Variants in PDS5A observed in about 807,000 individuals in gnomAD.
PDS5A encodes sister chromatid cohesion protein PDS5 homolog A.
PDS5A carries 42 observed loss-of-function variants against 167.1 expected under a neutral mutation model. That is an observed-to-expected ratio of 0.25 (90% CI 0.20 to 0.33). The LOEUF is 0.33. Among genes scored for constraint, PDS5A ranks in the 10% least tolerant of loss-of-function variants. PDS5A has a pLI of 1.00. For missense variants in PDS5A, 1,033 were observed against 1,605.9 expected (o/e 0.64, Z 6.10); for synonymous variants, 553 against 554.6 (o/e 1.00, Z 0.04).
Position 39,898,320 on chromosome 4 carries a change from C to T in PDS5A, c.1770+69G>A. 1.4e-6 allele frequency: 2 copies of T among 1,447,300 alleles called. 1 individual carries two copies. 89.7% of individuals were successfully genotyped at this position (1,447,300 alleles called of 1,614,324 possible). ...TTTACACAAATCACTGTATGTAAAACAGGCTTTAATAAAATACATATTTCT... is the reference window on the plus strand; with the variant it reads ...TTTACACAAATCACTGTATGTAAAATAGGCTTTAATAAAATACATATTTCT... On this transcript the variant is annotated intron_variant, in intron 16 of 32. Coordinates refer to ENST00000303538, the MANE Select transcript of PDS5A (RefSeq NM_001100399.2).
intron 9 of PDS5A, among the ~76,000 whole-genome samples, chr4:39,910,985 T>C (rs1341473437): frequency 6.6e-6 from 1 of 151,926 alleles, no homozygotes; most frequent in Non-Finnish European, 1.5e-5. Flanking sequence ...AACACAAAAA[T>C]CAGCCGGGCG....
chr4:39,965,624 C>T (rs954521151), intron 2 of PDS5A, among the ~76,000 whole-genome samples: 11 of 152,212 alleles, frequency 7.2e-5, no homozygotes, highest in Admixed American at 2.0e-4. Flanking sequence ...AAGGTATATG[C>T]TAAGTGAAAT....
intron 19 of PDS5A, among the ~76,000 whole-genome samples, chr4:39,874,835 A>G (rs1445486865): frequency 2.6e-5 from 4 of 152,316 alleles, no homozygotes; most frequent in African/African-American, 9.6e-5. Flanking sequence ...TGTATTAAAC[A>G]GCTGAAATAA....
chr4:39,873,611 A>AG (rs1324988970), intron 20 of PDS5A, among the ~76,000 whole-genome samples: 1 of 152,086 alleles, frequency 6.6e-6, no homozygotes, highest in Non-Finnish European at 1.5e-5. Context: ...TATATGTAAA[A>AG]AAAAGGGAAA....
chr4:39,904,303 T>G (rs550788287), intron 11 of PDS5A, 112 bp from the exon 12 acceptor site: 1 of 546,296 alleles, frequency 1.8e-6, no homozygotes, highest in Non-Finnish European at 3.0e-6. Context: ...CTTTATAAAC[T>G]GGCACACTAT....
chr4:39,856,883 CTAAG>C (rs1373801916), intron 26 of PDS5A, among the ~76,000 whole-genome samples: 1 of 151,724 alleles, frequency 6.6e-6, no homozygotes, highest in Non-Finnish European at 1.5e-5. Flanking sequence ...AAATCTAAAT[CTAAG>C]TAAATGGGAA....
chr4:39,938,913 T>C lies in PDS5A; in HGVS notation c.139-10749A>G, dbSNP rs370002481. Reference sequence around the variant, plus strand: ...TGAACCAGGGAGTCCGAGGTTGCAGTGAGCCAAGATCACACCACCGCACTC... The same window carrying C: ...TGAACCAGGGAGTCCGAGGTTGCAGCGAGCCAAGATCACACCACCGCACTC... On this transcript the variant is annotated intron_variant, in intron 2 of 32. Coordinates refer to ENST00000303538, the MANE Select transcript of PDS5A (RefSeq NM_001100399.2). Among the ~76,000 whole-genome samples the C allele has an allele frequency of 4.7e-3, 705 of 151,482 alleles. 4 individuals carry two copies. Among genetic ancestry groups the C allele is most frequent in the African/African-American group, 0.016 (677 of 41,264 alleles).
rs542937861 is a variant in PDS5A at position 39,922,798 on chromosome 4, G to T, written c.528-50C>A. The T allele has an allele frequency of 6.7e-6, 9 of 1,348,564 alleles. 1 individual carries two copies. In the South Asian group the frequency reaches 2.0e-4, roughly 30 times the overall value. The allele number at this position is 1,348,564 out of a possible 1,614,324, so 83.5% of individuals were successfully genotyped here. A position where few individuals can be genotyped will look rare whatever the true frequency, so the allele number is the denominator to read the frequency against. ...AAGTAGTAGGAGGAGGAAAAGAAGAGAATTCAAGCTTCTAATAGGAAATTA... is the reference window on the plus strand; with the variant it reads ...AAGTAGTAGGAGGAGGAAAAGAAGATAATTCAAGCTTCTAATAGGAAATTA... On this transcript the variant is annotated intron_variant, in intron 5 of 32. Transcript: ENST00000303538.
chr4:39,832,554 T>A (rs112810265), intron 32 of PDS5A, among the ~76,000 whole-genome samples: 6,956 of 152,154 alleles, frequency 0.046, 184 homozygotes, highest in Middle Eastern at 0.058. Flanking sequence ...ACTTGTTATG[T>A]CTGATCAGGA....
chr4:39,914,162 GTT>G (rs34732453), intron 8 of PDS5A, among the ~76,000 whole-genome samples: 8 of 64,100 alleles, frequency 1.2e-4, no homozygotes, highest in South Asian at 8.6e-4. Context: ...ATACAAATTT[GTT>G]TTTTTTTTTT....
At chr4:39,960,501 T>G (rs918047756) in intron 2 of PDS5A, among the ~76,000 whole-genome samples, 1 of 151,956 alleles carries the variant, frequency 6.6e-6, no homozygotes, top group African/African-American at 2.4e-5. Flanking sequence ...TTAGAAAATT[T>G]CTTCATTATG....
chr4:39,972,992 A>G (rs545237848), intron 2 of PDS5A: 3 of 473,992 alleles, frequency 6.3e-6, no homozygotes, highest in African/African-American at 3.9e-5. Context: ...TGCTCGGTAC[A>G]TAATGTTCAA....
chr4:39,939,525 T>C (rs1727020068), intron 2 of PDS5A, among the ~76,000 whole-genome samples: 1 of 151,894 alleles, frequency 6.6e-6, no homozygotes, highest in Admixed American at 6.6e-5. Flanking sequence ...CTGGGCAAAG[T>C]GGCTCACGCC....
intron 18 of PDS5A, 37 bp from the exon 19 acceptor site, chr4:39,877,190 T>C: frequency 1.5e-6 from 2 of 1,355,870 alleles, no homozygotes; most frequent in Non-Finnish European, 2.0e-6. Context: ...GTACAGACAA[T>C]GGTTTTAATC....
At chr4:39,953,027 C>A (rs1003172821) in intron 2 of PDS5A, among the ~76,000 whole-genome samples, 1 of 152,120 alleles carries the variant, frequency 6.6e-6, no homozygotes, top group Non-Finnish European at 1.5e-5. Flanking sequence ...CCACGTCAGT[C>A]CAGATCTGGA....
chr4:39,950,152 C>T (rs1269128794), intron 2 of PDS5A, among the ~76,000 whole-genome samples: 4 of 152,156 alleles, frequency 2.6e-5, no homozygotes, highest in African/African-American at 7.2e-5. Context: ...CCGCCCACCT[C>T]GGCCTCCCAA....
At chr4:39,867,900 A>G (rs1469793364) in intron 22 of PDS5A, among the ~76,000 whole-genome samples, 1 of 152,132 alleles carries the variant, frequency 6.6e-6, no homozygotes, top group Non-Finnish European at 1.5e-5. Flanking sequence ...TGACCAAAAA[A>G]ATGGGATTTT....
intron 26 of PDS5A, among the ~76,000 whole-genome samples, chr4:39,861,715 T>G (rs1431276033): frequency 6.6e-6 from 1 of 152,220 alleles, no homozygotes; most frequent in Non-Finnish European, 1.5e-5. Context: ...ATATCTTAAT[T>G]ACTCTGATTT....
At chr4:39,898,585 T>C in intron 15 of PDS5A, 57 bp from the exon 16 acceptor site, 2 of 1,204,572 alleles carry the variant, frequency 1.7e-6, no homozygotes, top group Non-Finnish European at 1.1e-6. Context: ...ACTATTCTAC[T>C]AAGCTAAAAA....
Sources: allele counts gnomAD v4.1 joint callset (sites outside exome capture counted in the v4.1 genomes callset), GRCh38; gene constraint gnomAD v4.1.1; transcripts MANE v1.5; gene names NCBI Gene and HGNC (gene_info 2026-07-23, HGNC 2026-07-21).